Variants in PCDHGA8 observed in about 807,000 individuals in gnomAD.
PCDHGA8 encodes protocadherin gamma-A8.
In PCDHGA8, 45 loss-of-function variants were observed where a neutral mutation model predicts 59.2. The observed-to-expected ratio is 0.76, with a 90% CI of 0.60 to 0.98. The LOEUF (loss-of-function observed/expected upper bound fraction) is 0.98. Ranked by LOEUF, PCDHGA8 falls within the 50% of genes least tolerant of loss-of-function variation. PCDHGA8 has a pLI of 0.00. For synonymous variants in PCDHGA8, 531 were observed against 519.0 expected, an observed-to-expected ratio of 1.02 and a Z score of -0.32; for missense variants, 1,257 against 1,196.2, an observed-to-expected ratio of 1.05 and a Z score of -0.75.
chr5:141,460,995 A>ATG lies in PCDHGA8; in HGVS notation c.2425-33808_2425-33807dup, dbSNP rs1561986931. Among the ~76,000 whole-genome samples the ATG allele has an allele frequency of 5.3e-5, 8 of 150,188 alleles. No homozygotes were observed. The East Asian group carries it at 1.4e-3, about 26-fold the overall frequency. On this transcript the variant is annotated intron_variant, in intron 1 of 3. Transcript: ENST00000398604. ...TGTGTGTGTGTGTGTATATATATAT[A>ATG]TGTGTATATATATATACCACATTTT...
rs775654786 is a variant in PCDHGA8 at position 141,491,718 on chromosome 5, G to A, written c.2425-3089G>A. Reference sequence around the variant, plus strand: ...GGAGCCAGGTGAGGGGCTCGGCGCCGCCCCGGGCGACCCCTGGGGGCGGCA... The same window carrying A: ...GGAGCCAGGTGAGGGGCTCGGCGCCACCCCGGGCGACCCCTGGGGGCGGCA... On this transcript the variant is annotated intron_variant, in intron 1 of 3. Coordinates refer to ENST00000398604, the MANE Select transcript of PCDHGA8 (RefSeq NM_032088.2). This position sits in a 1 kb window ranked among gnomAD's most constrained non-coding sequence, Gnocchi z 6.9. 1 of 1,607,600 alleles carries A rather than the reference G, an allele frequency of 6.2e-7. No homozygotes were observed. The highest frequency in any genetic ancestry group is 2.2e-5 in the East Asian group (1 of 44,690).
At chr5:141,426,834 A>G (rs1561824131) in intron 1 of PCDHGA8, 1 of 456,724 alleles carries the variant, frequency 2.2e-6, no homozygotes, top group South Asian at 1.5e-5. Flanking sequence ...GATGGACAAG[A>G]CTAAAGGCAA....
Position 141,392,774 on chromosome 5 carries a change from C to A in PCDHGA8, c.-40C>A, listed in dbSNP as rs752798314. The A allele has an allele frequency of 2.0e-6, 3 of 1,520,452 alleles. No homozygotes were observed. The South Asian group carries it at 3.9e-5, about 20-fold the overall frequency. The allele number at this position is 1,520,452 out of a possible 1,614,324, so 94.2% of individuals were successfully genotyped here. A position where few individuals can be genotyped will look rare whatever the true frequency, so the allele number is the denominator to read the frequency against. On this transcript the variant is annotated 5_prime_UTR_variant, in exon 1 of 4. Coordinates refer to ENST00000398604, the MANE Select transcript of PCDHGA8 (RefSeq NM_032088.2). ...AGAAACTAAATAAGACCCATTTATG[C>A]ACAGTGAAGATTCTGAGAGGATTCT...
intron 1 of PCDHGA8, among the ~76,000 whole-genome samples, chr5:141,435,286 A>G (rs1179151461): frequency 6.6e-6 from 1 of 152,194 alleles, no homozygotes; most frequent in Non-Finnish European, 1.5e-5. Context: ...CAGTATCCCA[A>G]GTCATTTCAT....
intron 1 of PCDHGA8, chr5:141,398,053 A>C: frequency 2.0e-6 from 3 of 1,516,468 alleles, no homozygotes; most frequent in Non-Finnish European, 2.7e-6. Flanking sequence ...TCGGAGATCC[A>C]AAAATCTACA....
At chr5:141,475,553 TTGTC>T (rs2099365287) in intron 1 of PCDHGA8, among the ~76,000 whole-genome samples, 2 of 152,260 alleles carry the variant, frequency 1.3e-5, no homozygotes, top group Non-Finnish European at 2.9e-5. Context: ...GTCCGGCTAA[TTGTC>T]TGTCTTCCAA....
At chr5:141,457,448 A>G (rs1296079061) in intron 1 of PCDHGA8, among the ~76,000 whole-genome samples, 2 of 152,196 alleles carry the variant, frequency 1.3e-5, no homozygotes, top group Non-Finnish European at 2.9e-5. Flanking sequence ...GCAGAAGATC[A>G]CCACTTGATT....
intron 1 of PCDHGA8, chr5:141,428,219 T>C (rs749413221): frequency 8.4e-7 from 1 of 1,195,778 alleles, no homozygotes. Context: ...CACCTAGTCT[T>C]CGCAGACAGC....
At chr5:141,417,673 C>G in intron 1 of PCDHGA8, 3 of 970,368 alleles carry the variant, frequency 3.1e-6, no homozygotes, top group Non-Finnish European at 2.9e-6. Context: ...CCTGCGCAGC[C>G]AACAACAGAA....
intron 1 of PCDHGA8, chr5:141,419,310 A>G: frequency 6.2e-7 from 1 of 1,613,948 alleles, no homozygotes; most frequent in Non-Finnish European, 8.5e-7. Flanking sequence ...TTCGGGCTCA[A>G]CGGCCGTGTC....
At chr5:141,484,075 C>G (rs1397285710) in intron 1 of PCDHGA8, among the ~76,000 whole-genome samples, 2 of 152,084 alleles carry the variant, frequency 1.3e-5, no homozygotes, top group African/African-American at 4.8e-5. Context: ...AAAGCTTGCT[C>G]TTTTGAAATG....
At position 141,393,976 on chromosome 5, in the gene PCDHGA8, A is replaced by G; in HGVS notation, c.1163A>G (p.Asp388Gly). 1 of 1,613,856 alleles carries G rather than the reference A, an allele frequency of 6.2e-7. No individual in the cohort carries two copies. Among genetic ancestry groups the G allele is most frequent in the Non-Finnish European group, 8.5e-7 (1 of 1,179,836 alleles). Reference protein sequence around the residue: ...KNGQVVCYTRDNLPFKLEKSI... With the variant: ...KNGQVVCYTRGNLPFKLEKSI... ...GGTCAAGTTGTCTGTTACACACGTG[A>G]TAATTTACCTTTTAAATTAGAAAAG... The change falls in exon 1 of 4, where the codon GAT becomes GGT. Residue 388 changes from aspartate to glycine, a missense_variant. Physicochemically the swap from Asp to Gly is moderately conservative, Grantham distance 94. Transcript: ENST00000398604.
Position 141,431,180 on chromosome 5 carries a change from A to C in PCDHGA8, c.2424+35943A>C. The C allele has an allele frequency of 6.2e-7, 1 of 1,614,246 alleles. No homozygotes were observed. The highest frequency in any genetic ancestry group is 8.5e-7 in the Non-Finnish European group (1 of 1,180,044). On this transcript the variant is annotated intron_variant, in intron 1 of 3. Transcript: ENST00000398604. This position sits in a 1 kb window ranked among gnomAD's most constrained non-coding sequence, Gnocchi z 4.8. ...CTTTCGTGAAAGTGAATTAGAAATA[A>C]AAATTAGTGAAAATGCAGCCACTGA...
At chr5:141,460,331 A>T (rs537463160) in intron 1 of PCDHGA8, among the ~76,000 whole-genome samples, 3 of 152,212 alleles carry the variant, frequency 2.0e-5, no homozygotes, top group African/African-American at 7.2e-5. Flanking sequence ...AAAACTTATG[A>T]TGATTTTCTC....
At chr5:141,419,826 C>T in intron 1 of PCDHGA8, 1 of 1,614,066 alleles carries the variant, frequency 6.2e-7, no homozygotes, top group Non-Finnish European at 8.5e-7. Flanking sequence ...CCCCTTTCAG[C>T]CACTGCCACG....
chr5:141,490,412 C>T lies in PCDHGA8; in HGVS notation c.2425-4395C>T, dbSNP rs2233605. 10 of 1,614,062 alleles carry T rather than the reference C, an allele frequency of 6.2e-6. No homozygotes were observed. The highest frequency in any genetic ancestry group is 4.0e-5 in the African/African-American group (3 of 74,910). Reference sequence around the variant, plus strand: ...GGTGAAGTGAGCCTTGATATCTCTCCGGACCTGCCATTTCAGATTAAGCCT... The same window carrying T: ...GGTGAAGTGAGCCTTGATATCTCTCTGGACCTGCCATTTCAGATTAAGCCT... On this transcript the variant is annotated intron_variant, in intron 1 of 3. Transcript: ENST00000398604. This position sits in a 1 kb window ranked among gnomAD's most constrained non-coding sequence, Gnocchi z 5.4.
At chr5:141,473,858 C>G (rs569473917) in intron 1 of PCDHGA8, among the ~76,000 whole-genome samples, 1 of 152,286 alleles carries the variant, frequency 6.6e-6, no homozygotes, top group Admixed American at 6.5e-5. Flanking sequence ...ATGAACCTCG[C>G]TATTGTGGAG....
chr5:141,457,127 C>G (rs2098910262), intron 1 of PCDHGA8, among the ~76,000 whole-genome samples: 1 of 152,200 alleles, frequency 6.6e-6, no homozygotes, highest in Admixed American at 6.5e-5. Flanking sequence ...AATGGAAACT[C>G]TGTCCAATAT....
At chr5:141,450,742 C>A (rs2098692216) in intron 1 of PCDHGA8, among the ~76,000 whole-genome samples, 1 of 152,118 alleles carries the variant, frequency 6.6e-6, no homozygotes, top group South Asian at 2.1e-4. Context: ...CCGCCTTGGC[C>A]TCCCAAAGTG....
Sources: gnomAD v4.1 joint callset for allele counts (sites outside exome capture counted in the v4.1 genomes callset) on GRCh38, gnomAD v4.1.1 for gene constraint, Gnocchi (gnomAD v3.1) non-coding constraint, MANE v1.5 for transcripts, NCBI Gene and HGNC (gene_info 2026-07-23, HGNC 2026-07-21) for gene names.